Variants in FYN observed in about 807,000 individuals in gnomAD.
FYN encodes the protein tyrosine-protein kinase Fyn.
FYN carries 10 observed loss-of-function variants against 70.2 expected under a neutral mutation model. That is an observed-to-expected ratio of 0.14 (90% confidence interval 0.09 to 0.24). FYN has a LOEUF of 0.24. Ranked by LOEUF, FYN falls within the 10% of genes least tolerant of loss-of-function variation. The probability of loss-of-function intolerance (pLI) is 1.00; values close to 1 mark genes in which losing one functional copy is unlikely to be tolerated. For missense variants in FYN, 319 were observed against 673.1 expected, an observed-to-expected ratio of 0.47 and a Z score of 5.82; for synonymous variants, 236 against 248.6, an observed-to-expected ratio of 0.95 and a Z score of 0.48.
At chr6:111,815,640 G>T (rs1772463402) in intron 2 of FYN, among the ~76,000 whole-genome samples, 1 of 151,330 alleles carries the variant, frequency 6.6e-6, no homozygotes, top group Non-Finnish European at 1.5e-5. Context: ...ATATTCCAAA[G>T]GCCAGAGACA....
chr6:111,736,479 C>A (rs1001920191), intron 3 of FYN, among the ~76,000 whole-genome samples: 3 of 152,132 alleles, frequency 2.0e-5, no homozygotes, highest in African/African-American at 4.8e-5. Context: ...GCAGAACTGG[C>A]CTGTCCCTGA....
chr6:111,779,969 A>C (rs908349953), intron 3 of FYN, among the ~76,000 whole-genome samples: 1 of 152,162 alleles, frequency 6.6e-6, no homozygotes, highest in African/African-American at 2.4e-5. Context: ...AGGTTATCTA[A>C]CAACCAGTAG....
chr6:111,731,338 C>G (rs889489557), intron 3 of FYN, among the ~76,000 whole-genome samples: 2 of 152,196 alleles, frequency 1.3e-5, no homozygotes, highest in African/African-American at 4.8e-5. Context: ...ACTTCTTTTG[C>G]CTTTGAGCTG....
intron 13 of FYN, among the ~76,000 whole-genome samples, chr6:111,670,191 A>G (rs1044573668): frequency 6.6e-6 from 1 of 152,186 alleles, no homozygotes; most frequent in Non-Finnish European, 1.5e-5. Flanking sequence ...GAAAGGCCTT[A>G]TCTGATTTGC....
intron 2 of FYN, among the ~76,000 whole-genome samples, chr6:111,835,018 T>C (rs1318322880): frequency 6.6e-6 from 1 of 152,228 alleles, no homozygotes; most frequent in East Asian, 1.9e-4. Context: ...TTCCTGGTCT[T>C]GGTACCATGG....
chr6:111,674,264 G>C (rs1331055534), intron 13 of FYN, among the ~76,000 whole-genome samples: 1 of 152,182 alleles, frequency 6.6e-6, no homozygotes, highest in Admixed American at 6.5e-5. Context: ...GAAGCATTTA[G>C]ACCAGCTGCT....
At chr6:111,829,619 T>C (rs1325255659) in intron 2 of FYN, among the ~76,000 whole-genome samples, 1 of 152,114 alleles carries the variant, frequency 6.6e-6, no homozygotes, top group Non-Finnish European at 1.5e-5. Flanking sequence ...ACTGGGAGAA[T>C]GGAAGTCAGA....
intron 1 of FYN, among the ~76,000 whole-genome samples, chr6:111,872,341 G>A (rs1363804890): frequency 2.0e-5 from 3 of 147,904 alleles, no homozygotes; most frequent in Non-Finnish European, 4.5e-5. Context: ...GCTGGAGGGA[G>A]CAGAGGGGTG....
At chr6:111,789,294 C>G (rs989456893) in intron 2 of FYN, among the ~76,000 whole-genome samples, 22 of 152,062 alleles carry the variant, frequency 1.4e-4, no homozygotes, top group Non-Finnish European at 2.5e-4. Flanking sequence ...GGCTCTGAAG[C>G]TGGACTGGAG....
intron 2 of FYN, among the ~76,000 whole-genome samples, chr6:111,798,706 G>A (rs1163872330): frequency 1.3e-5 from 2 of 152,130 alleles, no homozygotes; most frequent in Non-Finnish European, 2.9e-5. Flanking sequence ...TCACCTCTCT[G>A]GCTCTGGCTG....
intron 2 of FYN, among the ~76,000 whole-genome samples, chr6:111,819,475 T>G (rs1181271430): frequency 1.3e-5 from 2 of 152,218 alleles, no homozygotes; most frequent in Admixed American, 1.3e-4. Flanking sequence ...ATTATTGTTT[T>G]ACGACAGTCC....
intron 12 of FYN, among the ~76,000 whole-genome samples, chr6:111,686,679 A>G (rs557263474): frequency 6.6e-6 from 1 of 152,066 alleles, no homozygotes; most frequent in African/African-American, 2.4e-5. Context: ...CTCTCCTGAT[A>G]TTTGCTGTTC....
chr6:111,721,479 G>C (rs1024467232), intron 3 of FYN, among the ~76,000 whole-genome samples: 1 of 152,020 alleles, frequency 6.6e-6, no homozygotes, highest in African/African-American at 2.4e-5. Context: ...GCCCAGGCTG[G>C]AGTGCAGTGG....
At chr6:111,866,444 C>T (rs897111847) in intron 1 of FYN, among the ~76,000 whole-genome samples, 1 of 152,206 alleles carries the variant, frequency 6.6e-6, no homozygotes, top group South Asian at 2.1e-4. Flanking sequence ...CAGGCTCAAG[C>T]GATTCGCCTG....
intron 5 of FYN, among the ~76,000 whole-genome samples, chr6:111,711,530 G>A (rs570086164): frequency 1.7e-4 from 26 of 152,328 alleles, no homozygotes; most frequent in African/African-American, 5.5e-4. Context: ...CAGGAACACC[G>A]CCTCTGGGTA....
At chr6:111,741,125 G>GT (rs1801943395) in intron 3 of FYN, 1 of 152,016 alleles carries the variant, frequency 6.6e-6, no homozygotes, top group Non-Finnish European at 1.5e-5. Context: ...AGAAAGAAAG[G>GT]TTTTTCCTGG....
intron 3 of FYN, among the ~76,000 whole-genome samples, chr6:111,740,712 GTTC>G (rs1308000427): frequency 6.6e-6 from 1 of 152,110 alleles, no homozygotes; most frequent in African/African-American, 2.4e-5. Context: ...ACACCTTTCT[GTTC>G]TTCTTTGAAC....
At chr6:111,678,108 A>ATG (rs57015847) in intron 12 of FYN, among the ~76,000 whole-genome samples, 3,083 of 93,916 alleles carry the variant, frequency 0.033, 37 homozygotes, top group South Asian at 0.094. Flanking sequence ...AGGCCATAAT[A>ATG]TGTGTGTGTG....
rs751874606 is a variant in FYN at position 111,703,998 on chromosome 6, C to T, written c.547+1G>A. On this transcript the variant is annotated splice_donor_variant, in intron 7 of 13. Transcript: ENST00000354650. LOFTEE classifies it high-confidence loss of function. ...CCAACTTCTTCAACTCGTTATCTTA[C>T]CTTTGGTGGTTTCACTCTCGCGGAT... is the stretch of plus-strand genomic sequence containing the variant. The T allele has an allele frequency of 1.2e-6, 2 of 1,610,850 alleles. No homozygotes were observed. Among genetic ancestry groups the T allele is most frequent in the Non-Finnish European group, 8.5e-7 (1 of 1,177,070 alleles).
Sources: gnomAD v4.1 joint callset for allele counts (sites outside exome capture counted in the v4.1 genomes callset) on GRCh38, gnomAD v4.1.1 for gene constraint, MANE v1.5 for transcripts, NCBI Gene and HGNC (gene_info 2026-07-23, HGNC 2026-07-21) for gene names.